The following NOL4L variants were observed in gnomAD, a reference collection of about 807,000 sequenced individuals.
The protein encoded by NOL4L is nucleolar protein 4 like, also known as nucleolar protein 4-like.
Under a neutral mutation model 64.5 loss-of-function variants are expected in NOL4L, and 7 were observed. That is an observed-to-expected ratio of 0.11 (90% CI 0.06 to 0.20). The LOEUF (loss-of-function observed/expected upper bound fraction) is 0.20. Ranked by LOEUF, NOL4L falls within the 10% of genes least tolerant of loss-of-function variation. NOL4L has a pLI of 1.00. For synonymous variants in NOL4L, 413 were observed against 401.0 expected (o/e 1.03, Z -0.36); for missense variants, 680 against 967.1 (o/e 0.70, Z 3.94).
intron 1 of NOL4L, among the ~76,000 whole-genome samples, chr20:32,551,563 G>A (rs2018803096): frequency 6.6e-6 from 1 of 151,994 alleles, no homozygotes; most frequent in African/African-American, 2.4e-5. Flanking sequence ...CATTACAAAA[G>A]ACCACGTATT....
intron 5 of NOL4L, among the ~76,000 whole-genome samples, chr20:32,462,323 C>T (rs1020435446): frequency 5.3e-5 from 8 of 152,200 alleles, no homozygotes; most frequent in African/African-American, 1.7e-4. Context: ...AGGGTCTTCT[C>T]CCTGGCAGAG....
intron 4 of NOL4L, among the ~76,000 whole-genome samples, chr20:32,507,064 C>T (rs573609330): frequency 6.6e-5 from 10 of 152,266 alleles, no homozygotes; most frequent in African/African-American, 2.2e-4. Flanking sequence ...CTCTGGGCCT[C>T]GGCTTCCTCT....
At chr20:32,570,766 T>C (rs1979704555) in intron 1 of NOL4L, among the ~76,000 whole-genome samples, 1 of 152,120 alleles carries the variant, frequency 6.6e-6, no homozygotes. Flanking sequence ...GCTGGGCATT[T>C]AAAACTGCAA....
chr20:32,580,637 C>T (rs6057599), intron 1 of NOL4L, among the ~76,000 whole-genome samples: 81,006 of 152,092 alleles, frequency 0.53, 26,062 homozygotes, highest in East Asian at 0.94. Flanking sequence ...GGGGCTCTAA[C>T]GGTGGGATTC....
chr20:32,505,677 C>T (rs561013060), intron 4 of NOL4L, among the ~76,000 whole-genome samples: 1 of 152,336 alleles, frequency 6.6e-6, no homozygotes, highest in African/African-American at 2.4e-5. Context: ...GATCGTGTCA[C>T]TGCACTCCAG....
At chr20:32,485,087 A>AAC (rs2016022458) in intron 4 of NOL4L, among the ~76,000 whole-genome samples, 7 of 137,700 alleles carry the variant, frequency 5.1e-5, no homozygotes, top group African/African-American at 1.7e-4. Context: ...AAAAAAAAAA[A>AAC]CAACTAAAAA....
intron 5 of NOL4L, among the ~76,000 whole-genome samples, chr20:32,462,902 T>TGAAAAAAAAAAAAAAAAA (rs1276010880): frequency 2.5e-5 from 1 of 39,428 alleles, no homozygotes; most frequent in Non-Finnish European, 3.9e-5. Flanking sequence ...AGACTCTGTC[T>TGAAAAAAAAAAAAAAAAA]TAAAAAAAAA....
intron 4 of NOL4L, among the ~76,000 whole-genome samples, chr20:32,500,543 T>C (rs2016882585): frequency 6.7e-6 from 1 of 148,924 alleles, no homozygotes; most frequent in Non-Finnish European, 1.5e-5. Flanking sequence ...TCTTTCTTTT[T>C]TTTTTTTTTT....
chr20:32,511,237 G>T (rs576520015), intron 4 of NOL4L, 110 bp downstream of exon 4: 4 of 681,640 alleles, frequency 5.9e-6, no homozygotes, highest in South Asian at 3.8e-5. Context: ...GGGCCTCTTT[G>T]ATTTCCCGTG....
Position 32,443,285 on chromosome 20 carries a change from G to T in NOL4L, c.*4311C>A, listed in dbSNP as rs1022077421. 2.0e-5 allele frequency: 3 copies of T among 152,192 alleles called. No homozygotes were observed. The highest frequency in any genetic ancestry group is 7.2e-5 in the African/African-American group (3 of 41,438). The allele number at this position is 152,192 out of a possible 1,614,324, so 9.4% of individuals were successfully genotyped here. ...ACAAAACAGAATTTAGTCACATCAC[G>T]TAGAGAAGACACATTCTAAGAATTA... On this transcript the variant is annotated 3_prime_UTR_variant, in exon 11 of 11. Coordinates refer to ENST00000621426, the MANE Select transcript of NOL4L (RefSeq NM_001256798.2).
chr20:32,451,081 G>T (rs930185868), intron 10 of NOL4L, among the ~76,000 whole-genome samples: 1 of 152,120 alleles, frequency 6.6e-6, no homozygotes, highest in African/African-American at 2.4e-5. Context: ...ACAGTGAGGG[G>T]TCTCCTGCAG....
chr20:32,548,027 T>C (rs2018753843), intron 1 of NOL4L, among the ~76,000 whole-genome samples: 1 of 152,188 alleles, frequency 6.6e-6, no homozygotes, highest in African/African-American at 2.4e-5. Flanking sequence ...TCTCTTGCCT[T>C]CAATTTCCTG....
chr20:32,565,901 A>T (rs991518163), intron 1 of NOL4L, among the ~76,000 whole-genome samples: 15 of 148,320 alleles, frequency 1.0e-4, no homozygotes, highest in African/African-American at 3.9e-4. Context: ...AAGAAGAAAA[A>T]AATTAGTTGG....
intron 1 of NOL4L, among the ~76,000 whole-genome samples, chr20:32,575,837 C>A (rs2145623909): frequency 6.6e-6 from 1 of 152,294 alleles, no homozygotes; most frequent in South Asian, 2.1e-4. Flanking sequence ...AGGTGGGCCT[C>A]ACTGGGTGAT....
rs541730307 is a variant in NOL4L, at chr20:32,527,023, A to T, written c.477+735T>A. On this transcript the variant is annotated intron_variant, in intron 2 of 10. Coordinates refer to ENST00000621426, the MANE Select transcript of NOL4L (RefSeq NM_001256798.2). ...GGCATTTGTGATGCTTCCTGCCCCT[A>T]GGTTGCCTTTTTTGCCCTTATGCCT... Among the ~76,000 whole-genome samples the T allele has an allele frequency of 2.2e-3, 336 of 152,116 alleles. 1 individual carries two copies. The highest frequency in any genetic ancestry group is 7.9e-3 in the African/African-American group (329 of 41,498).
At chr20:32,462,897 C>G (rs1415043163) in intron 5 of NOL4L, among the ~76,000 whole-genome samples, 1 of 46,080 alleles carries the variant, frequency 2.2e-5, no homozygotes, top group African/African-American at 1.2e-4. Flanking sequence ...AAGCGAGACT[C>G]TGTCTTAAAA....
At chr20:32,555,605 G>A (rs1978598215) in intron 1 of NOL4L, among the ~76,000 whole-genome samples, 1 of 151,992 alleles carries the variant, frequency 6.6e-6, no homozygotes, top group African/African-American at 2.4e-5. Context: ...GCCAAGACAG[G>A]ACCTTTCAAG....
At chr20:32,498,766 T>TAAAAAAA (rs34083852) in intron 4 of NOL4L, among the ~76,000 whole-genome samples, 16 of 98,812 alleles carry the variant, frequency 1.6e-4, no homozygotes, top group African/African-American at 3.7e-4. Flanking sequence ...CCTGTCTCAA[T>TAAAAAAA]AAAAAAAAAA....
chr20:32,470,513 C>T (rs1299672801), intron 5 of NOL4L, among the ~76,000 whole-genome samples: 1 of 152,250 alleles, frequency 6.6e-6, no homozygotes, highest in African/African-American at 2.4e-5. Context: ...AACAGATCAT[C>T]CCACAGGTGG....
Sources: allele counts gnomAD v4.1 joint callset (sites outside exome capture counted in the v4.1 genomes callset), GRCh38; gene constraint gnomAD v4.1.1; transcripts MANE v1.5; gene names NCBI Gene and HGNC (gene_info 2026-07-23, HGNC 2026-07-21).